Variants in THSD4 observed in about 807,000 individuals in gnomAD.
The protein encoded by THSD4 is thrombospondin type 1 domain containing 4, also known as thrombospondin type-1 domain-containing protein 4.
A neutral mutation model predicts 119.0 loss-of-function variants in THSD4; 69 were observed. The observed-to-expected ratio is 0.58, with a 90% CI of 0.48 to 0.71. The LOEUF (loss-of-function observed/expected upper bound fraction) is 0.71. Ranked by LOEUF, THSD4 falls within the 30% of genes least tolerant of loss-of-function variation. THSD4 has a pLI of 0.00. For missense variants in THSD4, 1,393 were observed against 1,391.1 expected (o/e 1.00, Z -0.02); for synonymous variants, 524 against 540.4 (o/e 0.97, Z 0.42).
intron 6 of THSD4, among the ~76,000 whole-genome samples, chr15:71,282,831 G>A (rs986926049): frequency 5.9e-5 from 9 of 152,046 alleles, no homozygotes; most frequent in Admixed American, 2.6e-4. Flanking sequence ...TTTTCAGCCT[G>A]GGCCCTATAA....
At chr15:71,255,495 G>C (rs1048345142) in intron 5 of THSD4, among the ~76,000 whole-genome samples, 50 of 152,168 alleles carry the variant, frequency 3.3e-4, no homozygotes, top group African/African-American at 1.2e-3. Flanking sequence ...ATAAAATACA[G>C]ATCTCTGGAT....
At chr15:71,391,472 C>T (rs1289302524) in intron 6 of THSD4, among the ~76,000 whole-genome samples, 2 of 152,202 alleles carry the variant, frequency 1.3e-5, no homozygotes, top group African/African-American at 2.4e-5. Flanking sequence ...AGCCACTGCA[C>T]CCAGACTGGT....
At chr15:71,100,394 A>C (rs2040249165) in intron 1 of THSD4, among the ~76,000 whole-genome samples, 1 of 152,216 alleles carries the variant, frequency 6.6e-6, no homozygotes, top group African/African-American at 2.4e-5. Context: ...CCTTCAATCC[A>C]ACAGCCCAAA....
At chr15:71,143,406 T>C (rs1178497716) in intron 2 of THSD4, among the ~76,000 whole-genome samples, 1 of 152,106 alleles carries the variant, frequency 6.6e-6, no homozygotes, top group East Asian at 1.9e-4. Flanking sequence ...CACAGGGTCA[T>C]TGTAGGACCA....
chr15:71,125,601 G>C (rs1259488061), intron 1 of THSD4, among the ~76,000 whole-genome samples: 1 of 152,254 alleles, frequency 6.6e-6, no homozygotes, highest in Non-Finnish European at 1.5e-5. Flanking sequence ...GGGCTGTGCT[G>C]AGACCGCGGC....
chr15:71,633,516 C>T (rs557444706), intron 7 of THSD4, among the ~76,000 whole-genome samples: 1 of 152,152 alleles, frequency 6.6e-6, no homozygotes, highest in Non-Finnish European at 1.5e-5. Flanking sequence ...CTCAAACGAT[C>T]CACCTGCCTT....
chr15:71,636,882 T>C (rs1378731709), intron 7 of THSD4, among the ~76,000 whole-genome samples: 1 of 151,758 alleles, frequency 6.6e-6, no homozygotes, highest in African/African-American at 2.4e-5. Context: ...TCTCTCAATA[T>C]TTTTTTCTTT....
intron 8 of THSD4, among the ~76,000 whole-genome samples, chr15:71,665,851 C>T (rs1227321877): frequency 6.6e-6 from 1 of 152,112 alleles, no homozygotes; most frequent in Non-Finnish European, 1.5e-5. Flanking sequence ...TATTCTGTTT[C>T]ACTGGTCTAT....
At position 71,442,596 on chromosome 15, in the gene THSD4, ATATATGTGTGTG is replaced by A. The variant is rs1407013216; in HGVS notation, c.1152+30775_1152+30786del. Among the ~76,000 whole-genome samples the A allele has an allele frequency of 1.5e-4, 6 of 39,140 alleles. 2 individuals carry two copies. The highest frequency in any genetic ancestry group is 2.3e-3 in the South Asian group (2 of 880). The allele number at this position is 39,140 out of a possible 152,430, so 25.7% of individuals were successfully genotyped here. On this transcript the variant is annotated intron_variant, in intron 7 of 17. Transcript: ENST00000261862. ...AAAAAAAAAATATATATATATATATATATATGTGTGTGTGTGTGTGTGTATATATATATGTAT... is the reference window on the plus strand; with the variant it reads ...AAAAAAAAAATATATATATATATATATGTGTGTGTGTATATATATATGTAT...
intron 7 of THSD4, among the ~76,000 whole-genome samples, chr15:71,413,523 T>C (rs1029090799): frequency 3.3e-5 from 5 of 152,240 alleles, no homozygotes; most frequent in Admixed American, 3.3e-4. Context: ...TTTGGTTTTT[T>C]TAGCTCCCAC....
intron 7 of THSD4, among the ~76,000 whole-genome samples, chr15:71,646,310 C>T (rs1206622953): frequency 1.3e-5 from 2 of 152,236 alleles, no homozygotes; most frequent in Non-Finnish European, 2.9e-5. Flanking sequence ...AACCTAAAGT[C>T]ACCAGAGTCC....
intron 16 of THSD4, chr15:71,767,082 A>C (rs145335315): frequency 6.6e-6 from 1 of 152,306 alleles, no homozygotes; most frequent in Non-Finnish European, 1.5e-5. Flanking sequence ...CAACTGTATG[A>C]ATTTGTCAAA....
chr15:71,199,802 CTGTGTGTGTGTGATGCACGTGTGGGG>C (rs1160283172), intron 3 of THSD4, among the ~76,000 whole-genome samples: 9 of 38,128 alleles, frequency 2.4e-4, no homozygotes, highest in African/African-American at 6.3e-4. Context: ...TGTGTGTGTG[CTGTGTGTGTGTGATGCACGTGTGGGG>C]TGTGTGTGTG....
At chr15:71,716,102 C>G (rs1247856190) in intron 8 of THSD4, among the ~76,000 whole-genome samples, 2 of 152,156 alleles carry the variant, frequency 1.3e-5, no homozygotes, top group Admixed American at 6.5e-5. Flanking sequence ...TTCCGTGACC[C>G]TCTATCAGCT....
At chr15:71,224,430 T>G (rs1041344769) in intron 4 of THSD4, among the ~76,000 whole-genome samples, 1 of 152,232 alleles carries the variant, frequency 6.6e-6, no homozygotes, top group African/African-American at 2.4e-5. Flanking sequence ...TAATGCCTTG[T>G]GCTTTTCAAG....
chr15:71,180,067 C>A (rs1362134593), intron 3 of THSD4, among the ~76,000 whole-genome samples: 2 of 126,990 alleles, frequency 1.6e-5, no homozygotes, highest in Admixed American at 1.6e-4. Context: ...GGGTGCAGCG[C>A]ACCAGCATGG....
At chr15:71,370,167 C>T (rs1227936758) in intron 6 of THSD4, among the ~76,000 whole-genome samples, 1 of 151,826 alleles carries the variant, frequency 6.6e-6, no homozygotes, top group East Asian at 1.9e-4. Context: ...TTTGATTCTT[C>T]TCTCTTTTCT....
chr15:71,598,619 T>A (rs188588367), intron 7 of THSD4, among the ~76,000 whole-genome samples: 3 of 152,224 alleles, frequency 2.0e-5, no homozygotes, highest in Admixed American at 2.0e-4. Flanking sequence ...GTTTTTTGTT[T>A]GTTTGTTTTG....
intron 6 of THSD4, among the ~76,000 whole-genome samples, chr15:71,348,723 C>T (rs907078458): frequency 9.9e-5 from 15 of 152,282 alleles, no homozygotes; most frequent in Admixed American, 7.8e-4. Context: ...CCAAAGGATA[C>T]GACTGTTAGC....
Sources: gnomAD v4.1 joint callset for allele counts (sites outside exome capture counted in the v4.1 genomes callset) on GRCh38, gnomAD v4.1.1 for gene constraint, MANE v1.5 for transcripts, NCBI Gene and HGNC (gene_info 2026-07-23, HGNC 2026-07-21) for gene names.